Variants in LRBA observed in about 807,000 individuals in gnomAD.
LRBA encodes the protein lipopolysaccharide-responsive and beige-like anchor protein.
A neutral mutation model predicts 330.0 loss-of-function variants in LRBA; 176 were observed. That is an observed-to-expected ratio of 0.53 (90% confidence interval 0.47 to 0.60). The LOEUF is 0.60. LRBA is among the 20% of genes least tolerant of loss of function. The pLI is 0.00. For synonymous variants in LRBA, 1,230 were observed against 1,193.0 expected (o/e 1.03, Z -0.64); for missense variants, 3,259 against 3,444.8 (o/e 0.95, Z 1.35).
chr4:150,729,859 T>C lies in LRBA; in HGVS notation c.5754+5399A>G, dbSNP rs185208506. On this transcript the variant is annotated intron_variant, in intron 36 of 56. Coordinates refer to ENST00000651943, the MANE Select transcript of LRBA (RefSeq NM_001364905.1). The stretch of plus-strand genomic sequence containing the variant: ...AATCCACACAGCTACAGGAAATGAA[T>C]TTTCAACAAAGGTGCCAAGAACAAA... 2.9e-3 allele frequency among the ~76,000 whole-genome samples: 438 copies of C among 151,856 alleles called. 3 individuals are homozygous for C. The highest frequency in any genetic ancestry group is 4.2e-3 in the Non-Finnish European group (286 of 67,914).
chr4:150,537,016 T>A (rs1764725423), intron 40 of LRBA, among the ~76,000 whole-genome samples: 1 of 152,246 alleles, frequency 6.6e-6, no homozygotes, highest in Admixed American at 6.5e-5. Flanking sequence ...AGAGGCTGAA[T>A]AGCCAAAACA....
At chr4:150,887,908 G>A (rs1194747770) in intron 17 of LRBA, among the ~76,000 whole-genome samples, 1 of 152,038 alleles carries the variant, frequency 6.6e-6, no homozygotes, top group Admixed American at 6.5e-5. Context: ...TGTAGTCCCA[G>A]CTACTGAGGA....
intron 48 of LRBA, among the ~76,000 whole-genome samples, chr4:150,333,096 C>T (rs1281599310): frequency 6.6e-6 from 1 of 152,052 alleles, no homozygotes; most frequent in Non-Finnish European, 1.5e-5. Context: ...GGAAAGTAAA[C>T]TTGGCTTAGT....
intron 2 of LRBA, among the ~76,000 whole-genome samples, chr4:150,991,577 A>G (rs1028807643): frequency 3.3e-5 from 5 of 152,384 alleles, no homozygotes; most frequent in East Asian, 1.9e-4. Context: ...TACTTGCTAC[A>G]TGATTCCATT....
intron 35 of LRBA, among the ~76,000 whole-genome samples, chr4:150,741,150 A>G (rs999389471): frequency 2.0e-5 from 3 of 152,154 alleles, no homozygotes; most frequent in Admixed American, 2.0e-4. Flanking sequence ...AAACATAAGA[A>G]AAATAGTGAC....
chr4:150,751,591 T>C (rs915105140), intron 35 of LRBA, among the ~76,000 whole-genome samples: 4 of 152,164 alleles, frequency 2.6e-5, no homozygotes, highest in Admixed American at 2.6e-4. Context: ...AAAGTTTTAA[T>C]TATTATAAGC....
At chr4:150,480,477 C>A (rs1310723714) in intron 42 of LRBA, among the ~76,000 whole-genome samples, 1 of 151,802 alleles carries the variant, frequency 6.6e-6, no homozygotes, top group Non-Finnish European at 1.5e-5. Context: ...TGTAATAGAG[C>A]AAAATCCAAT....
intron 30 of LRBA, among the ~76,000 whole-genome samples, chr4:150,821,742 CT>C (rs1197433829): frequency 6.6e-6 from 1 of 152,086 alleles, no homozygotes; most frequent in Non-Finnish European, 1.5e-5. Context: ...CAAACCAGTC[CT>C]TGAACTTTAT....
chr4:150,370,258 C>G (rs1055871177), intron 47 of LRBA, among the ~76,000 whole-genome samples: 2 of 152,064 alleles, frequency 1.3e-5, no homozygotes, highest in African/African-American at 2.4e-5. Flanking sequence ...GTTTTATTCA[C>G]AATTGCCAAA....
intron 44 of LRBA, among the ~76,000 whole-genome samples, chr4:150,440,339 A>C (rs1561180744): frequency 6.6e-6 from 1 of 152,192 alleles, no homozygotes; most frequent in Non-Finnish European, 1.5e-5. Flanking sequence ...CTAACAAATA[A>C]ATAGAATTAT....
chr4:150,487,901 G>T (rs970086692), intron 41 of LRBA, 67 bp from the exon 42 acceptor site: 1 of 748,574 alleles, frequency 1.3e-6, no homozygotes, highest in Non-Finnish European at 2.2e-6. Flanking sequence ...TGACTCCTTG[G>T]TCCAATAAAA....
chr4:150,328,306 C>T (rs572257557), intron 48 of LRBA, among the ~76,000 whole-genome samples: 1 of 152,064 alleles, frequency 6.6e-6, no homozygotes, highest in African/African-American at 2.4e-5. Flanking sequence ...GTCAGTATGT[C>T]CAATGTGTAA....
intron 31 of LRBA, among the ~76,000 whole-genome samples, chr4:150,809,909 C>CGATACGATACGATAT (rs1743443684): frequency 6.6e-6 from 1 of 151,114 alleles, no homozygotes; most frequent in East Asian, 1.9e-4. Context: ...CGATACGATA[C>CGATACGATACGATAT]GATACGATAC....
chr4:150,387,615 G>GA (rs1259622570), intron 47 of LRBA, among the ~76,000 whole-genome samples: 1 of 152,048 alleles, frequency 6.6e-6, no homozygotes, highest in Non-Finnish European at 1.5e-5. Flanking sequence ...AAATCAAACT[G>GA]AAAAGTAAGA....
intron 40 of LRBA, chr4:150,579,982 G>A: frequency 3.1e-6 from 1 of 319,496 alleles, no homozygotes; most frequent in South Asian, 2.4e-5. Context: ...CTCCCGGCCA[G>A]TCGCGCTCTC....
chr4:150,301,150 G>T (rs995227), intron 53 of LRBA, among the ~76,000 whole-genome samples: 132,065 of 152,064 alleles, frequency 0.87, 58,044 homozygotes, highest in Non-Finnish European at 0.93. Context: ...AAATTGAAAG[G>T]AGTCACTTAT....
At chr4:150,348,245 T>C (rs144192060) in intron 48 of LRBA, among the ~76,000 whole-genome samples, 238 of 152,324 alleles carry the variant, frequency 1.6e-3, no homozygotes, top group African/African-American at 5.5e-3. Flanking sequence ...AATAACTAGC[T>C]GATTGAGTGT....
chr4:151,007,586 G>C (rs531119466), intron 2 of LRBA, among the ~76,000 whole-genome samples: 4 of 150,806 alleles, frequency 2.7e-5, no homozygotes, highest in African/African-American at 7.3e-5. Context: ...GGCCGGGCGC[G>C]GTGTCTCACA....
chr4:150,453,563 T>C (rs1300162702), intron 44 of LRBA, among the ~76,000 whole-genome samples: 3 of 152,232 alleles, frequency 2.0e-5, no homozygotes, highest in Non-Finnish European at 4.4e-5. Context: ...GTAATAATTC[T>C]GTTTGATCCA....
Sources: allele counts gnomAD v4.1 joint callset (sites outside exome capture counted in the v4.1 genomes callset), GRCh38; gene constraint gnomAD v4.1.1; transcripts MANE v1.5; gene names NCBI Gene and HGNC (gene_info 2026-07-23, HGNC 2026-07-21).